The following MAGI1 variants were observed in gnomAD, a reference collection of about 807,000 sequenced individuals.
MAGI1 encodes membrane-associated guanylate kinase, WW and PDZ domain-containing protein 1.
In MAGI1, 58 loss-of-function variants were observed where a neutral mutation model predicts 139.9. That is an observed-to-expected ratio of 0.41 (90% confidence interval 0.34 to 0.52). The LOEUF is 0.52. Ranked by LOEUF, MAGI1 falls within the 20% of genes least tolerant of loss-of-function variation. The pLI is 0.12. For synonymous variants in MAGI1, 812 were observed against 737.9 expected, an observed-to-expected ratio of 1.10 and a Z score of -1.63; for missense variants, 1,874 against 1,901.6, an observed-to-expected ratio of 0.99 and a Z score of 0.27.
At position 65,387,279 on chromosome 3, in the gene MAGI1, A is replaced by G; in HGVS notation, c.2417-3656T>C. 2.2e-6 allele frequency: 3 copies of G among 1,346,360 alleles called. No homozygotes were observed. The South Asian group carries it at 3.6e-5, about 16-fold the overall frequency. The allele number at this position is 1,346,360 out of a possible 1,614,324, so 83.4% of individuals were successfully genotyped here. On this transcript the variant is annotated intron_variant, in intron 14 of 22. Transcript: ENST00000402939. The stretch of plus-strand genomic sequence containing the variant: ...AAGCTTAATGTACATTCTTTCTCTT[A>G]GTTCACTTTAATTTAGTTTTGATTG...
chr3:65,701,838 T>C (rs1270003075), intron 1 of MAGI1, among the ~76,000 whole-genome samples: 3 of 152,066 alleles, frequency 2.0e-5, no homozygotes, highest in Non-Finnish European at 2.9e-5. Context: ...AAGAATAAAA[T>C]AGAGGAGAAA....
At chr3:65,479,274 G>A (rs1951091845) in intron 3 of MAGI1, among the ~76,000 whole-genome samples, 2 of 152,138 alleles carry the variant, frequency 1.3e-5, no homozygotes, top group Admixed American at 1.3e-4. Flanking sequence ...ATTTAAAAAG[G>A]AGGACAGTAA....
At chr3:65,892,048 T>C (rs1482303200) in intron 1 of MAGI1, among the ~76,000 whole-genome samples, 1 of 150,540 alleles carries the variant, frequency 6.6e-6, no homozygotes, top group Non-Finnish European at 1.5e-5. Context: ...AGATACTTTA[T>C]ACAGAAAACT....
At chr3:65,853,286 T>G (rs187334815) in intron 1 of MAGI1, among the ~76,000 whole-genome samples, 76 of 152,380 alleles carry the variant, frequency 5.0e-4, no homozygotes, top group South Asian at 1.9e-3. Context: ...CAACCCAACA[T>G]GATGTGGTAA....
At position 65,646,337 on chromosome 3, in the gene MAGI1, C is replaced by T. The variant is rs192825201; in HGVS notation, c.314-24249G>A. Reference sequence around the variant, plus strand: ...ATGTAATGATAAAGGGGTCAACCCACCAAGAAAACATAGCAATCCTAAATG... The same window carrying T: ...ATGTAATGATAAAGGGGTCAACCCATCAAGAAAACATAGCAATCCTAAATG... On this transcript the variant is annotated intron_variant, in intron 1 of 22. Transcript: ENST00000402939. 3.9e-3 allele frequency among the ~76,000 whole-genome samples: 593 copies of T among 151,946 alleles called. 6 individuals carry two copies. The highest frequency in any genetic ancestry group is 0.014 in the African/African-American group (563 of 41,458).
At chr3:65,613,987 T>C (rs2083247826) in intron 2 of MAGI1, among the ~76,000 whole-genome samples, 1 of 152,122 alleles carries the variant, frequency 6.6e-6, no homozygotes, top group African/African-American at 2.4e-5. Context: ...AGTATCAAGC[T>C]CATGGCTGGG....
At chr3:65,658,784 G>T (rs757059162) in intron 1 of MAGI1, among the ~76,000 whole-genome samples, 6 of 152,186 alleles carry the variant, frequency 3.9e-5, no homozygotes, top group South Asian at 2.1e-4. Context: ...CTCAGAGGAA[G>T]TTTCTGTCCA....
intron 1 of MAGI1, among the ~76,000 whole-genome samples, chr3:65,663,545 C>T (rs748727846): frequency 2.0e-5 from 3 of 152,186 alleles, no homozygotes; most frequent in South Asian, 2.1e-4. Flanking sequence ...ACTGCAGAAA[C>T]GCCAAACTAA....
chr3:65,619,774 G>T (rs1284740957), intron 2 of MAGI1: 6 of 798,760 alleles, frequency 7.5e-6, no homozygotes, highest in Non-Finnish European at 9.1e-6. Flanking sequence ...AGGCACACAC[G>T]CTCCACCAGA....
At chr3:65,577,390 AG>A (rs1259100530) in intron 2 of MAGI1, among the ~76,000 whole-genome samples, 16 of 152,242 alleles carry the variant, frequency 1.1e-4, no homozygotes, top group Non-Finnish European at 1.6e-4. Flanking sequence ...GCCATATCAA[AG>A]CCTGAGGCAA....
Position 65,355,391 on chromosome 3 carries a change from C to T in MAGI1, c.*987G>A, listed in dbSNP as rs1940154641. On this transcript the variant is annotated 3_prime_UTR_variant, in exon 23 of 23. Coordinates refer to ENST00000402939, the MANE Select transcript of MAGI1 (RefSeq NM_001033057.2). ...GGTTCCTTCCACCAAGGCTCATTGCCTCCTCCCCAGTTTGGCAAAGGGCAA... is the reference window on the plus strand; with the variant it reads ...GGTTCCTTCCACCAAGGCTCATTGCTTCCTCCCCAGTTTGGCAAAGGGCAA... 1 of 152,186 alleles carries T rather than the reference C, an allele frequency of 6.6e-6. No homozygotes were observed. The highest frequency in any genetic ancestry group is 1.5e-5 in the Non-Finnish European group (1 of 68,044). 9.4% of individuals were successfully genotyped at this position (152,186 alleles called of 1,614,324 possible).
chr3:65,388,684 G>A (rs1575584659), intron 14 of MAGI1, among the ~76,000 whole-genome samples: 6 of 152,148 alleles, frequency 3.9e-5, no homozygotes, highest in Admixed American at 3.9e-4. Context: ...AGAAATCCAT[G>A]TGAATGTTAA....
chr3:65,733,973 T>A (rs1469647049), intron 1 of MAGI1, among the ~76,000 whole-genome samples: 1 of 152,216 alleles, frequency 6.6e-6, no homozygotes, highest in East Asian at 1.9e-4. Flanking sequence ...AGTGTTACTT[T>A]TCTCCATCTT....
chr3:65,605,254 T>C (rs1327037197), intron 2 of MAGI1, among the ~76,000 whole-genome samples: 1 of 152,216 alleles, frequency 6.6e-6, no homozygotes, highest in East Asian at 1.9e-4. Flanking sequence ...ATCATCCTTT[T>C]GTATTTTGTG....
rs150489687 is a variant in MAGI1, at chr3:65,529,565, A to G, written c.431-35934T>C. On this transcript the variant is annotated intron_variant, in intron 2 of 22. Transcript: ENST00000402939. ...TTCCTTTTCATGGCTGAGCAGTTGT[A>G]TTCTCTCACATGGATATACCACGCT... Among the ~76,000 whole-genome samples the G allele has an allele frequency of 1.3e-3, 192 of 152,330 alleles. 1 individual carries two copies. Among genetic ancestry groups the G allele is most frequent in the Non-Finnish European group, 2.6e-3 (174 of 68,030 alleles).
chr3:65,742,000 G>A (rs902763211), intron 1 of MAGI1, among the ~76,000 whole-genome samples: 5 of 152,120 alleles, frequency 3.3e-5, no homozygotes, highest in Non-Finnish European at 7.3e-5. Flanking sequence ...TAGGATGTTT[G>A]GAATCCACTG....
At chr3:65,831,902 T>G (rs1365266839) in intron 1 of MAGI1, among the ~76,000 whole-genome samples, 1 of 152,260 alleles carries the variant, frequency 6.6e-6, no homozygotes, top group East Asian at 1.9e-4. Context: ...CTTGCCAAAG[T>G]TGCAATTCAC....
chr3:65,604,530 A>T (rs1320060030), intron 2 of MAGI1, among the ~76,000 whole-genome samples: 1 of 152,176 alleles, frequency 6.6e-6, no homozygotes, highest in Non-Finnish European at 1.5e-5. Flanking sequence ...GAATACGATG[A>T]CTTTCATATA....
At chr3:65,930,033 T>C (rs2062720392) in intron 1 of MAGI1, among the ~76,000 whole-genome samples, 1 of 152,040 alleles carries the variant, frequency 6.6e-6, no homozygotes, top group Non-Finnish European at 1.5e-5. Context: ...ATTATATTTC[T>C]AGGCCGGGCG....
Sources: allele counts gnomAD v4.1 joint callset (sites outside exome capture counted in the v4.1 genomes callset), GRCh38; gene constraint gnomAD v4.1.1; transcripts MANE v1.5; gene names NCBI Gene and HGNC (gene_info 2026-07-23, HGNC 2026-07-21).